Variants in SEC14L6 observed in about 807,000 individuals in gnomAD.
SEC14L6 encodes the protein SEC14-like protein 6.
A neutral mutation model predicts 54.1 loss-of-function variants in SEC14L6; 40 were observed. That is an observed-to-expected ratio of 0.74 (90% CI 0.57 to 0.96). The LOEUF (loss-of-function observed/expected upper bound fraction) is 0.96. Ranked by LOEUF, SEC14L6 falls within the 40% of genes least tolerant of loss-of-function variation. The pLI is 0.00. For synonymous variants in SEC14L6, 171 were observed against 198.4 expected, an observed-to-expected ratio of 0.86 and a Z score of 1.16; for missense variants, 471 against 498.3, an observed-to-expected ratio of 0.95 and a Z score of 0.52.
chr22:30,528,912 G>A (rs111906096), intron 8 of SEC14L6, among the ~76,000 whole-genome samples, 175 bp downstream of exon 8: 16 of 151,980 alleles, frequency 1.1e-4, no homozygotes, highest in Admixed American at 3.9e-4. Context: ...TTCCTGGCCC[G>A]TCTTCCCTCT....
At chr22:30,537,317 T>C (rs1256772555) in intron 2 of SEC14L6, among the ~76,000 whole-genome samples, 1 of 151,858 alleles carries the variant, frequency 6.6e-6, no homozygotes, top group Non-Finnish European at 1.5e-5. Flanking sequence ...ACTTGAGAAA[T>C]CAAGAGAGAT....
intron 2 of SEC14L6, among the ~76,000 whole-genome samples, chr22:30,536,790 T>C (rs958221386): frequency 2.0e-4 from 30 of 152,088 alleles, no homozygotes; most frequent in Middle Eastern, 3.4e-3. Flanking sequence ...TTTGGGAGGC[T>C]GAGGCAGGTG....
At chr22:30,525,291 T>C in intron 11 of SEC14L6, 59 bp downstream of exon 11, 1 of 1,567,210 alleles carries the variant, frequency 6.4e-7, no homozygotes, top group Non-Finnish European at 8.7e-7. Context: ...TGGATGCACA[T>C]TGTAGCACCC....
rs1937070665 is a variant in SEC14L6, at chr22:30,534,124, C to A, written c.131-85G>T. ...AGAGACAACGGCCCTGCCCCACCCT[C>A]CAGGCCAGCTTTGTCTCCTGTTACC... is the stretch of plus-strand genomic sequence containing the variant. On this transcript the variant is annotated intron_variant, in intron 2 of 11. Coordinates refer to ENST00000402034, the MANE Select transcript of SEC14L6 (RefSeq NM_001193336.4). 6 of 1,330,990 alleles carry A rather than the reference C, an allele frequency of 4.5e-6. No homozygotes were observed. The Admixed American group carries it at 6.2e-5, about 14-fold the overall frequency. The allele number at this position is 1,330,990 out of a possible 1,614,324, so 82.4% of individuals were successfully genotyped here.
intron 6 of SEC14L6, among the ~76,000 whole-genome samples, chr22:30,529,894 T>C (rs1601881760): frequency 6.6e-6 from 1 of 152,246 alleles, no homozygotes; most frequent in South Asian, 2.1e-4. Context: ...TAGCATAATA[T>C]ACATAGTTGC....
chr22:30,539,425 G>A (rs984185833), intron 1 of SEC14L6, among the ~76,000 whole-genome samples: 1 of 152,176 alleles, frequency 6.6e-6, no homozygotes, highest in African/African-American at 2.4e-5. Context: ...ATTAAATGTG[G>A]ATTAAACACA....
At chr22:30,525,328 A>G (rs983413838) in intron 11 of SEC14L6, 22 bp downstream of exon 11, 20 of 1,612,076 alleles carry the variant, frequency 1.2e-5, no homozygotes, top group Non-Finnish European at 1.6e-5. Flanking sequence ...CTCCAGGTAG[A>G]GCCATCCCTG....
chr22:30,530,630 G>A (rs147365867), intron 6 of SEC14L6, among the ~76,000 whole-genome samples: 5 of 152,262 alleles, frequency 3.3e-5, no homozygotes, highest in African/African-American at 9.6e-5. Flanking sequence ...TTAAATTCCC[G>A]AGCTCAAGCG....
At chr22:30,533,014 G>A (rs1937035746) in intron 3 of SEC14L6, 158 bp from the exon 4 acceptor site, 1 of 985,408 alleles carries the variant, frequency 1.0e-6, no homozygotes. Flanking sequence ...GATGGAAACA[G>A]GATGGGGATG....
At chr22:30,531,114 T>C (rs916949900) in intron 6 of SEC14L6, among the ~76,000 whole-genome samples, 1 of 151,576 alleles carries the variant, frequency 6.6e-6, no homozygotes, top group Admixed American at 6.6e-5. Flanking sequence ...CCAACAAAAG[T>C]AAGGAACTGT....
At chr22:30,536,334 T>G (rs1338942141) in intron 2 of SEC14L6, among the ~76,000 whole-genome samples, 1 of 151,844 alleles carries the variant, frequency 6.6e-6, no homozygotes, top group African/African-American at 2.4e-5. Flanking sequence ...GGTTTCATAG[T>G]GGTTTTCTTA....
intron 6 of SEC14L6, among the ~76,000 whole-genome samples, chr22:30,530,903 G>T (rs758565338): frequency 5.3e-5 from 8 of 152,204 alleles, no homozygotes; most frequent in Admixed American, 2.0e-4. Context: ...AGGGTAGGCA[G>T]GTATTGGGGG....
intron 1 of SEC14L6, chr22:30,542,767 A>G (rs1050312020): frequency 6.3e-7 from 1 of 1,590,648 alleles, no homozygotes; most frequent in Non-Finnish European, 8.6e-7. Flanking sequence ...TGTGGGGCCC[A>G]TCCAACGGTT....
In SEC14L6 at chr22:30,542,458, G is replaced by T. The variant is rs1021552070; in HGVS notation, c.55-3556C>A. 4 of 526,788 alleles carry T rather than the reference G, an allele frequency of 7.6e-6. No homozygotes were observed. In the African/African-American group the frequency reaches 8.2e-5, roughly 11 times the overall value. 32.6% of individuals were successfully genotyped at this position (526,788 alleles called of 1,614,324 possible). A position where few individuals can be genotyped will look rare whatever the true frequency, so the allele number is the denominator to read the frequency against. ...AAGAGGACGATGTAGCCAGCTCGCA[G>T]CGCTGACCTCAGAAAAACAAGTTTG... On this transcript the variant is annotated intron_variant, in intron 1 of 11. Coordinates refer to ENST00000402034, the MANE Select transcript of SEC14L6 (RefSeq NM_001193336.4).
At chr22:30,528,288 A>AT (rs1490068863) in intron 8 of SEC14L6, among the ~76,000 whole-genome samples, 2 of 150,972 alleles carry the variant, frequency 1.3e-5, no homozygotes, top group East Asian at 3.9e-4. Context: ...CGCCCGGCTA[A>AT]TTTTTTTTAT....
At chr22:30,544,474 C>A (rs1291665290) in intron 1 of SEC14L6, among the ~76,000 whole-genome samples, 2 of 152,130 alleles carry the variant, frequency 1.3e-5, no homozygotes, top group Admixed American at 6.5e-5. Context: ...CTCCCCTGAC[C>A]TCCACCACCA....
intron 11 of SEC14L6, 38 bp downstream of exon 11, chr22:30,525,312 C>A: frequency 6.2e-7 from 1 of 1,604,212 alleles, no homozygotes; most frequent in Admixed American, 1.7e-5. Flanking sequence ...TCCCCCTAGC[C>A]CCCAGCTCCA....
intron 2 of SEC14L6, among the ~76,000 whole-genome samples, chr22:30,538,348 A>AAG (rs1555883113): frequency 2.7e-5 from 4 of 148,116 alleles, no homozygotes; most frequent in African/African-American, 7.4e-5. Flanking sequence ...AAAAAAAAAA[A>AAG]AAAGAAAGAA....
intron 1 of SEC14L6, chr22:30,542,609 C>T (rs1426237144): frequency 2.6e-6 from 4 of 1,523,312 alleles, no homozygotes; most frequent in African/African-American, 1.4e-5. Flanking sequence ...CGCCTCGGGC[C>T]GCTGCTCTGC....
Sources: allele counts gnomAD v4.1 joint callset (sites outside exome capture counted in the v4.1 genomes callset), GRCh38; gene constraint gnomAD v4.1.1; transcripts MANE v1.5; gene names NCBI Gene and HGNC (gene_info 2026-07-23, HGNC 2026-07-21).